BLTP3A: variants seen among roughly 807,000 people sequenced by gnomAD.
BLTP3A encodes ICBP90 binding protein 1.
chr6:34,869,640 CTTTTTTTTTTTTT>C, the BLTP3A span, among the ~76,000 whole-genome samples: 288 of 81,532 alleles, frequency 3.5e-3, 9 homozygotes, highest in East Asian at 0.057. Context: ...ACATACACCA[CTTTTTTTTTTTTT>C]TTTTTTTTTT....
the BLTP3A span, among the ~76,000 whole-genome samples, chr6:34,803,856 G>C: frequency 6.6e-6 from 1 of 151,924 alleles, no homozygotes; most frequent in Non-Finnish European, 1.5e-5. Flanking sequence ...CATCTGTCTC[G>C]GTGCTTTCCT....
the BLTP3A span, chr6:34,873,207 G>A: frequency 6.6e-6 from 1 of 151,974 alleles, no homozygotes. Context: ...AATTTCTGAC[G>A]CTGAGCTAGG....
At chr6:34,844,370 G>T in the BLTP3A span, among the ~76,000 whole-genome samples, 1 of 152,134 alleles carries the variant, frequency 6.6e-6, no homozygotes, top group Non-Finnish European at 1.5e-5. Flanking sequence ...TGCCTCTGGG[G>T]TTCAAGCAAT....
At chr6:34,834,729 A>G in the BLTP3A span, 11 of 1,613,928 alleles carry the variant, frequency 6.8e-6, no homozygotes, top group Non-Finnish European at 8.5e-6. Flanking sequence ...AGGTTTTAAC[A>G]TTTAAGGAAA....
chr6:34,871,029 T>G, the BLTP3A span: 1 of 1,614,162 alleles, frequency 6.2e-7, no homozygotes, highest in Non-Finnish European at 8.5e-7. Flanking sequence ...CAGTGCTCAG[T>G]GGCCTGGGGC....
the BLTP3A span, among the ~76,000 whole-genome samples, chr6:34,852,112 A>T: frequency 6.6e-6 from 1 of 151,556 alleles, no homozygotes; most frequent in South Asian, 2.1e-4. Context: ...TTTGTACCCT[A>T]CCCCACTATG....
At chr6:34,870,843 T>C in the BLTP3A span, 1 of 1,612,296 alleles carries the variant, frequency 6.2e-7, no homozygotes. Context: ...TCCTTGTCTT[T>C]CTTCACAAAG....
At chr6:34,836,106 A>T in the BLTP3A span, 1 of 1,579,692 alleles carries the variant, frequency 6.3e-7, no homozygotes, top group Non-Finnish European at 8.6e-7. Flanking sequence ...AAGCCTACAA[A>T]GGATCTTTTC....
chr6:34,864,281 AGAG>A, the BLTP3A span: 6 of 1,279,202 alleles, frequency 4.7e-6, no homozygotes, highest in South Asian at 1.5e-5. Context: ...GCAGGGCTAA[AGAG>A]GAGCTGAGAG....
At chr6:34,857,105 C>A in the BLTP3A span, among the ~76,000 whole-genome samples, 1 of 152,168 alleles carries the variant, frequency 6.6e-6, no homozygotes, top group African/African-American at 2.4e-5. Flanking sequence ...CTTGGGAATT[C>A]CCCCAGTTTT....
chr6:34,830,795 G>A, the BLTP3A span, among the ~76,000 whole-genome samples: 2 of 152,280 alleles, frequency 1.3e-5, no homozygotes, highest in African/African-American at 4.8e-5. Context: ...GTTATTCATA[G>A]TGATTGTACC....
chr6:34,852,555 C>G, the BLTP3A span, among the ~76,000 whole-genome samples: 13 of 149,408 alleles, frequency 8.7e-5, no homozygotes, highest in Non-Finnish European at 1.6e-4. Context: ...CTCTCCTCTC[C>G]TCTCCTCTCC....
chr6:34,859,697 A>G, the BLTP3A span: 42 of 1,394,442 alleles, frequency 3.0e-5, no homozygotes, highest in Middle Eastern at 2.6e-4. Context: ...GAGAATGCAT[A>G]GAATGGCCTA....
At chr6:34,862,025 T>C in the BLTP3A span, among the ~76,000 whole-genome samples, 1 of 152,334 alleles carries the variant, frequency 6.6e-6, no homozygotes, top group Non-Finnish European at 1.5e-5. Flanking sequence ...GAAATGTCCT[T>C]ATTTTTGTGA....
At chr6:34,858,187 T>C in the BLTP3A span, 1 of 1,614,180 alleles carries the variant, frequency 6.2e-7, no homozygotes, top group Non-Finnish European at 8.5e-7. Context: ...CCTTGTCTTC[T>C]CTGCGTCAGG....
the BLTP3A span, among the ~76,000 whole-genome samples, chr6:34,801,568 A>G: frequency 4.7e-4 from 72 of 152,308 alleles, 1 homozygote; most frequent in African/African-American, 1.6e-3. Context: ...ATAATCTCAC[A>G]TAAAGAAGCA....
chr6:34,820,554 T>C, the BLTP3A span, among the ~76,000 whole-genome samples: 5 of 151,982 alleles, frequency 3.3e-5, no homozygotes, highest in Admixed American at 6.6e-5. Flanking sequence ...ATAGCACTTA[T>C]GTCTTGTGGC....
chr6:34,800,236 C>A, the BLTP3A span, among the ~76,000 whole-genome samples: 2 of 152,022 alleles, frequency 1.3e-5, no homozygotes, highest in Non-Finnish European at 2.9e-5. Context: ...AATTAGAGGT[C>A]ATTTAGGTAC....
chr6:34,858,723 A>T, the BLTP3A span: 1 of 1,614,244 alleles, frequency 6.2e-7, no homozygotes, highest in Non-Finnish European at 8.5e-7. Context: ...GACTTACAGA[A>T]GTCATGGAAA....
Sources: allele counts gnomAD v4.1 joint callset (sites outside exome capture counted in the v4.1 genomes callset), GRCh38; gene constraint gnomAD v4.1.1; transcripts MANE v1.5; gene names NCBI Gene and HGNC (gene_info 2026-07-23, HGNC 2026-07-21).